ITGBL1: variants seen among roughly 807,000 people sequenced by gnomAD.
The protein encoded by ITGBL1 is integrin beta-like protein 1.
Under a neutral mutation model 68.5 loss-of-function variants are expected in ITGBL1, and 51 were observed. The ratio of observed to expected loss-of-function variants is 0.74; its 90% CI spans 0.59 to 0.94. ITGBL1 has a LOEUF of 0.94. Ranked by LOEUF, ITGBL1 falls within the 40% of genes least tolerant of loss-of-function variation. The pLI is 0.00. For synonymous variants in ITGBL1, 209 were observed against 227.3 expected, an observed-to-expected ratio of 0.92 and a Z score of 0.72; for missense variants, 649 against 647.4, an observed-to-expected ratio of 1.00 and a Z score of -0.03.
chr13:101,706,725 C>T (rs1157868991), intron 8 of ITGBL1, 31 bp from the exon 9 acceptor site: 2 of 1,600,126 alleles, frequency 1.2e-6, no homozygotes, highest in East Asian at 2.2e-5. Context: ...TTTCCTCATC[C>T]TCTCACTCCT....
chr13:101,452,813 G>A lies in ITGBL1; in HGVS notation c.-21G>A, dbSNP rs1191692993. 1.9e-6 allele frequency: 3 copies of A among 1,606,778 alleles called. No individual in the cohort carries two copies. The highest frequency in any genetic ancestry group is 2.2e-5 in the East Asian group (1 of 44,826). On this transcript the variant is annotated 5_prime_UTR_variant, in exon 1 of 11. Transcript: ENST00000376180. ...CACCTTGCAGAAGTGCAGCTCGCCCGGAGCAGCCCAGGAGCTCAGCATGCG... is the reference window on the plus strand; with the variant it reads ...CACCTTGCAGAAGTGCAGCTCGCCCAGAGCAGCCCAGGAGCTCAGCATGCG...
At chr13:101,492,755 G>T (rs1047156638) in intron 2 of ITGBL1, among the ~76,000 whole-genome samples, 28 of 152,182 alleles carry the variant, frequency 1.8e-4, no homozygotes, top group Admixed American at 1.8e-3. Flanking sequence ...ATAAATGGTA[G>T]CTACCAGAGG....
At chr13:101,684,788 G>C (rs1181599765) in intron 7 of ITGBL1, among the ~76,000 whole-genome samples, 2 of 151,772 alleles carry the variant, frequency 1.3e-5, no homozygotes, top group East Asian at 3.9e-4. Context: ...CAAATAGAAG[G>C]TTTTAAAATG....
At position 101,454,085 on chromosome 13, in the gene ITGBL1, G is replaced by A. The variant is rs762734026; in HGVS notation, c.301G>A (p.Gly101Arg). Residue 101 changes from glycine (G) to arginine (R), a missense_variant, in exon 2 of 11, where the codon GGG (glycine) becomes AGG (arginine). Physicochemically the swap from Gly to Arg is moderately radical, Grantham distance 125. Transcript: ENST00000376180. ...TGAGTGGGTGTGCGAGACCTACGAC[G>A]GGAGCACCTGTGCAGGTAAGAGGGC... ...CHEWVCETYD[G>R]STCAGHGKCD... 4 of 1,575,284 alleles carry A rather than the reference G, an allele frequency of 2.5e-6. No homozygotes were observed. Among genetic ancestry groups the A allele is most frequent in the Admixed American group, 3.6e-5 (2 of 54,926 alleles).
intron 2 of ITGBL1, among the ~76,000 whole-genome samples, chr13:101,564,718 A>G (rs2050155423): frequency 6.6e-6 from 1 of 150,524 alleles, no homozygotes; most frequent in African/African-American, 2.4e-5. Context: ...TAAAACATAT[A>G]TATAGAAACA....
chr13:101,550,476 T>C (rs1004014437), intron 2 of ITGBL1, among the ~76,000 whole-genome samples: 2 of 152,150 alleles, frequency 1.3e-5, no homozygotes, highest in Non-Finnish European at 2.9e-5. Flanking sequence ...TTGATAACTA[T>C]CTCAAATTGA....
In ITGBL1 at chr13:101,454,036, C is replaced by T. The variant is rs778048896; in HGVS notation, c.252C>T (p.Phe84=). The T allele has an allele frequency of 6.3e-7, 1 of 1,592,058 alleles. No individual in the cohort carries two copies. The highest frequency in any genetic ancestry group is 8.5e-7 in the Non-Finnish European group (1 of 1,169,868). The part of the protein sequence containing the change: ...CICHVTEPGM[F]FGPLCECHEW... ...GCCACGTGACTGAGCCGGGCATGTTCTTCGGGCCCCTGTGTGAGTGCCATG... is the reference window on the plus strand; with the variant it reads ...GCCACGTGACTGAGCCGGGCATGTTTTTCGGGCCCCTGTGTGAGTGCCATG... The change falls in exon 2 of 11, where the codon TTC becomes TTT. Residue 84 remains phenylalanine (F), a synonymous_variant. Coordinates refer to ENST00000376180, the MANE Select transcript of ITGBL1 (RefSeq NM_004791.3).
chr13:101,705,447 T>TC (rs2034241457), intron 8 of ITGBL1, among the ~76,000 whole-genome samples: 1 of 151,998 alleles, frequency 6.6e-6, no homozygotes, highest in African/African-American at 2.4e-5. Context: ...TGTCCTTCAC[T>TC]CCATTTACTC....
intron 3 of ITGBL1, among the ~76,000 whole-genome samples, chr13:101,572,476 A>C (rs2050289356): frequency 6.6e-6 from 1 of 151,986 alleles, no homozygotes; most frequent in Admixed American, 6.6e-5. Flanking sequence ...TCCTAGAGAG[A>C]GTCAGTTCTA....
At chr13:101,656,112 G>A (rs960865683) in intron 7 of ITGBL1, among the ~76,000 whole-genome samples, 6 of 152,158 alleles carry the variant, frequency 3.9e-5, no homozygotes, top group Admixed American at 3.3e-4. Flanking sequence ...TTGACAATTG[G>A]TTGAGTTTGT....
chr13:101,677,651 C>A (rs1440234324), intron 7 of ITGBL1, among the ~76,000 whole-genome samples: 1 of 152,108 alleles, frequency 6.6e-6, no homozygotes, highest in East Asian at 1.9e-4. Context: ...AATGTATTCC[C>A]CCTTATGCTA....
chr13:101,705,318 A>C (rs1486886197), intron 8 of ITGBL1, among the ~76,000 whole-genome samples: 1 of 150,442 alleles, frequency 6.6e-6, no homozygotes. Context: ...AACAACAACA[A>C]CAAAAAAAAA....
At chr13:101,456,973 A>T (rs1395188566) in intron 2 of ITGBL1, among the ~76,000 whole-genome samples, 2 of 152,136 alleles carry the variant, frequency 1.3e-5, no homozygotes, top group African/African-American at 4.8e-5. Context: ...TAGTCCTATT[A>T]CTTAATAGCT....
chr13:101,542,250 G>A (rs1458698734), intron 2 of ITGBL1, among the ~76,000 whole-genome samples: 1 of 152,192 alleles, frequency 6.6e-6, no homozygotes, highest in Non-Finnish European at 1.5e-5. Flanking sequence ...ATTCTGGTAA[G>A]TTGTGTCTTT....
intron 7 of ITGBL1, among the ~76,000 whole-genome samples, chr13:101,676,315 T>C (rs1376263580): frequency 1.3e-5 from 2 of 152,072 alleles, no homozygotes; most frequent in Non-Finnish European, 2.9e-5. Context: ...TTTACTTTTT[T>C]TCTGGCAGAT....
chr13:101,508,597 G>A (rs2139103785), intron 2 of ITGBL1, among the ~76,000 whole-genome samples: 1 of 152,208 alleles, frequency 6.6e-6, no homozygotes, highest in East Asian at 1.9e-4. Context: ...CTTAGAGGGT[G>A]TGTTTTCTGA....
chr13:101,703,745 G>A (rs546249349), intron 8 of ITGBL1, among the ~76,000 whole-genome samples: 6 of 152,294 alleles, frequency 3.9e-5, no homozygotes, highest in Admixed American at 3.9e-4. Flanking sequence ...TACATTAAAA[G>A]AAATGAGAAA....
At chr13:101,588,671 G>C (rs2050599593) in intron 6 of ITGBL1, among the ~76,000 whole-genome samples, 1 of 141,190 alleles carries the variant, frequency 7.1e-6, no homozygotes. Flanking sequence ...CTTCTTTTAT[G>C]ACCTTTTCAC....
intron 7 of ITGBL1, among the ~76,000 whole-genome samples, chr13:101,651,599 A>AT (rs1473660274): frequency 6.6e-6 from 1 of 151,842 alleles, no homozygotes; most frequent in Admixed American, 6.6e-5. Context: ...GAAGGCAAAA[A>AT]TTTTTTCCCA....
Sources: gnomAD v4.1 joint callset for allele counts (sites outside exome capture counted in the v4.1 genomes callset) on GRCh38, gnomAD v4.1.1 for gene constraint, MANE v1.5 for transcripts, NCBI Gene and HGNC (gene_info 2026-07-23, HGNC 2026-07-21) for gene names.